Variants in TAF3 observed in about 807,000 individuals in gnomAD.
The protein encoded by TAF3 is TATA-box binding protein associated factor 3.
Under a neutral mutation model 80.6 loss-of-function variants are expected in TAF3, and 7 were observed. The ratio of observed to expected loss-of-function variants is 0.09; its 90% CI spans 0.05 to 0.16. The LOEUF (loss-of-function observed/expected upper bound fraction) is 0.16. Ranked by LOEUF, TAF3 falls within the 10% of genes least tolerant of loss-of-function variation. The pLI, the probability that TAF3 is intolerant of heterozygous loss-of-function variation, is 1.00. For missense variants in TAF3, 921 were observed against 1,140.2 expected (o/e 0.81, Z 2.77); for synonymous variants, 444 against 446.1 (o/e 1.00, Z 0.06).
At chr10:7,975,170 A>G (rs1396063344) in intron 3 of TAF3, 1 of 228,992 alleles carries the variant, frequency 4.4e-6, no homozygotes, top group Non-Finnish European at 9.0e-6. Flanking sequence ...AAGCTTCTTT[A>G]GAAGACAGCA....
intron 2 of TAF3, among the ~76,000 whole-genome samples, chr10:7,943,087 G>A (rs1185344501): frequency 6.6e-6 from 1 of 152,184 alleles, no homozygotes; most frequent in Non-Finnish European, 1.5e-5. Flanking sequence ...ACTTAGCAGC[G>A]GTTGTGATCC....
rs1221041877 is a variant in TAF3, at chr10:7,965,705, A to T, written c.2195A>T (p.Lys732Met). 6.4e-7 allele frequency: 1 copy of T among 1,555,468 alleles called. No individual in the cohort carries two copies. Among genetic ancestry groups the T allele is most frequent in the Non-Finnish European group, 8.6e-7 (1 of 1,161,314 alleles). ...EREKEKREREKREKEKEKHKH... is the reference protein window; with the variant it reads ...EREKEKREREMREKEKEKHKH... ...GAGAAAGAGAAGAGAGAGCGAGAGA[A>T]GAGAGAAAAAGAGAAGGAGAAACAC... is the stretch of plus-strand genomic sequence containing the variant. Residue 732 changes from lysine (K) to methionine (M), a missense_variant, in exon 3 of 7, where the codon AAG becomes ATG. By Grantham distance (95) the Lys-to-Met change is moderately conservative. Transcript: ENST00000344293.
intron 5 of TAF3, among the ~76,000 whole-genome samples, chr10:8,013,484 C>T (rs775790585): frequency 6.6e-6 from 1 of 151,998 alleles, no homozygotes; most frequent in Non-Finnish European, 1.5e-5. Context: ...TTATGACTTA[C>T]AAAAGAAAGC....
At chr10:7,823,313 GCACACTA>G (rs1836707830) in intron 1 of TAF3, among the ~76,000 whole-genome samples, 1 of 150,556 alleles carries the variant, frequency 6.6e-6, no homozygotes, top group South Asian at 2.1e-4. Flanking sequence ...TGTCAGCACA[GCACACTA>G]CTTATTTGAT....
At chr10:7,912,940 G>A (rs1262533739) in intron 2 of TAF3, among the ~76,000 whole-genome samples, 1 of 152,146 alleles carries the variant, frequency 6.6e-6, no homozygotes, top group African/African-American at 2.4e-5. Context: ...CACAGACTGG[G>A]TGGCTTAAGC....
intron 1 of TAF3, among the ~76,000 whole-genome samples, chr10:7,820,191 C>T (rs1214820591): frequency 6.6e-6 from 1 of 152,168 alleles, no homozygotes; most frequent in Non-Finnish European, 1.5e-5. Flanking sequence ...TTTTCAGATG[C>T]ACTTATCACT....
intron 4 of TAF3, among the ~76,000 whole-genome samples, chr10:7,999,463 T>G (rs1394137479): frequency 3.8e-4 from 57 of 150,588 alleles, no homozygotes; most frequent in Non-Finnish European, 5.9e-5. Flanking sequence ...AAGAAGTTTT[T>G]TTTTTTTTTT....
At chr10:7,974,166 AC>A (rs1564375109) in intron 3 of TAF3, among the ~76,000 whole-genome samples, 3 of 150,576 alleles carry the variant, frequency 2.0e-5, no homozygotes, top group Non-Finnish European at 1.5e-5. Flanking sequence ...ACACACACAC[AC>A]ACACAAACAC....
chr10:7,990,231 A>G (rs2131427837), intron 4 of TAF3, among the ~76,000 whole-genome samples: 1 of 152,348 alleles, frequency 6.6e-6, no homozygotes, highest in African/African-American at 2.4e-5. Context: ...AGAGTCGCTA[A>G]TGCCATTAGG....
intron 3 of TAF3, among the ~76,000 whole-genome samples, chr10:7,974,711 T>C (rs1831653706): frequency 1.3e-5 from 2 of 152,014 alleles, no homozygotes; most frequent in African/African-American, 2.4e-5. Flanking sequence ...GATTGAAATG[T>C]GTGAGAAATT....
At chr10:7,959,411 C>T (rs956688659) in intron 2 of TAF3, among the ~76,000 whole-genome samples, 1 of 151,808 alleles carries the variant, frequency 6.6e-6, no homozygotes. Context: ...CTTTAAATAA[C>T]ATAAAGGAAT....
At chr10:7,918,048 C>G (rs539920468) in intron 2 of TAF3, among the ~76,000 whole-genome samples, 6 of 152,050 alleles carry the variant, frequency 3.9e-5, no homozygotes, top group Non-Finnish European at 5.9e-5. Context: ...TTTTAGGATT[C>G]GGATATTATG....
At chr10:8,008,523 T>G (rs180904132) in intron 4 of TAF3, among the ~76,000 whole-genome samples, 2 of 152,170 alleles carry the variant, frequency 1.3e-5, no homozygotes, top group Non-Finnish European at 2.9e-5. Context: ...AAGAGAGAAA[T>G]AGAAACTTTT....
At chr10:8,012,649 A>G (rs910821456) in intron 5 of TAF3, among the ~76,000 whole-genome samples, 25 of 152,308 alleles carry the variant, frequency 1.6e-4, no homozygotes, top group African/African-American at 6.0e-4. Context: ...TTCTCCTGGA[A>G]TTACGGAGGG....
intron 3 of TAF3, among the ~76,000 whole-genome samples, chr10:7,967,431 A>G (rs1255268833): frequency 6.6e-6 from 1 of 152,196 alleles, no homozygotes; most frequent in African/African-American, 2.4e-5. Flanking sequence ...TTAGGGAAGA[A>G]AAGTCCCCCA....
At chr10:7,827,858 G>A (rs911201345) in intron 2 of TAF3, among the ~76,000 whole-genome samples, 1 of 151,746 alleles carries the variant, frequency 6.6e-6, no homozygotes, top group Non-Finnish European at 1.5e-5. Flanking sequence ...ATCAGAGTCT[G>A]TGGTGGGAGG....
chr10:7,861,165 T>G (rs565186642), intron 2 of TAF3, among the ~76,000 whole-genome samples: 1 of 152,230 alleles, frequency 6.6e-6, no homozygotes, highest in African/African-American at 2.4e-5. Context: ...TGGGTTTCAC[T>G]GTGTTAGCCA....
Position 8,016,344 on chromosome 10 carries a change from T to G in TAF3, c.*1593T>G, listed in dbSNP as rs1248440527. On this transcript the variant is annotated 3_prime_UTR_variant, in exon 7 of 7. Transcript: ENST00000344293. ...TTAAAACATTATGTGGTTAGAGAAA[T>G]GCGGTTTTCTGCCATGAATGTTAAG... 2.0e-5 allele frequency: 3 copies of G among 152,180 alleles called. No individual in the cohort carries two copies. The highest frequency in any genetic ancestry group is 4.4e-5 in the Non-Finnish European group (3 of 68,034). The allele number at this position is 152,180 out of a possible 1,614,324, so 9.4% of individuals were successfully genotyped here.
intron 2 of TAF3, among the ~76,000 whole-genome samples, chr10:7,920,624 T>A (rs572006706): frequency 6.6e-6 from 1 of 152,192 alleles, no homozygotes; most frequent in Non-Finnish European, 1.5e-5. Flanking sequence ...TTGTACGATA[T>A]AAATCCCTTA....
Sources: allele counts gnomAD v4.1 joint callset (sites outside exome capture counted in the v4.1 genomes callset), GRCh38; gene constraint gnomAD v4.1.1; transcripts MANE v1.5; gene names NCBI Gene and HGNC (gene_info 2026-07-23, HGNC 2026-07-21).